Variants in DMD observed in about 807,000 individuals in gnomAD.
The protein encoded by DMD is dystrophin.
In DMD, 63 loss-of-function variants were observed where a neutral mutation model predicts 330.1. The observed-to-expected ratio is 0.19, with a 90% CI of 0.16 to 0.24. The LOEUF (loss-of-function observed/expected upper bound fraction) is 0.24. DMD is among the 10% of genes least tolerant of loss of function. The probability of loss-of-function intolerance (pLI) is 1.00; values close to 1 mark genes in which losing one functional copy is unlikely to be tolerated. For synonymous variants in DMD, 1,223 were observed against 959.8 expected, an observed-to-expected ratio of 1.27 and a Z score of -5.07; for missense variants, 3,344 against 2,684.1, an observed-to-expected ratio of 1.25 and a Z score of -5.43.
chrX:31,964,691 G>A (rs963493902), intron 45 of DMD, among the ~76,000 whole-genome samples: 2 of 108,996 alleles, frequency 1.8e-5, no homozygotes, highest in African/African-American at 6.7e-5. Flanking sequence ...AGCATATATG[G>A]CAAAATGTTA....
intron 47 of DMD, among the ~76,000 whole-genome samples, chrX:31,904,416 C>G (rs770111755): frequency 9.0e-6 from 1 of 111,092 alleles, no homozygotes; most frequent in African/African-American, 3.3e-5. Context: ...TGAGAGTGGT[C>G]AAGACTTTTG....
At chrX:32,016,154 T>G (rs902885654) in intron 44 of DMD, among the ~76,000 whole-genome samples, 8 of 112,060 alleles carry the variant, frequency 7.1e-5, no homozygotes, top group Non-Finnish European at 9.4e-5. Context: ...TCATGAAATC[T>G]TAAAGAAGAG....
At chrX:33,045,059 G>T (rs1284958708) in intron 1 of DMD, among the ~76,000 whole-genome samples, 1 of 110,785 alleles carries the variant, frequency 9.0e-6, no homozygotes, top group African/African-American at 3.3e-5. Context: ...TAAATAAAAG[G>T]GGGGTGGGGA....
chrX:31,288,383 C>T (rs1386464830), intron 62 of DMD, among the ~76,000 whole-genome samples: 2 of 111,770 alleles, frequency 1.8e-5, no homozygotes, highest in Non-Finnish European at 3.8e-5. Context: ...CAATTGGTAT[C>T]TTCAATCTTT....
chrX:32,047,695 C>G (rs1175791309), intron 44 of DMD, among the ~76,000 whole-genome samples: 2 of 110,927 alleles, frequency 1.8e-5, no homozygotes, highest in South Asian at 7.6e-4. Context: ...AAGTAGTTGC[C>G]AAGACTCTAC....
intron 19 of DMD, among the ~76,000 whole-genome samples, chrX:32,494,133 G>A (rs777028884): frequency 3.9e-4 from 44 of 111,522 alleles, no homozygotes; most frequent in Non-Finnish European, 7.7e-4. Context: ...AATAGGCTCT[G>A]CAGTATCCGT....
intron 50 of DMD, among the ~76,000 whole-genome samples, chrX:31,798,069 C>T (rs2091908388): frequency 8.9e-6 from 1 of 112,231 alleles, no homozygotes; most frequent in African/African-American, 3.2e-5. Context: ...ACTGAAAAGA[C>T]ATTTCATGGT....
At chrX:32,769,268 A>C (rs1438827640) in intron 7 of DMD, among the ~76,000 whole-genome samples, 2 of 111,982 alleles carry the variant, frequency 1.8e-5, no homozygotes. Flanking sequence ...TGCGAAAGGC[A>C]TGTCTCACAT....
chrX:33,293,568 T>C (rs894552612), intron 1 of DMD, among the ~76,000 whole-genome samples: 3 of 111,102 alleles, frequency 2.7e-5, no homozygotes, highest in Admixed American at 9.6e-5. Flanking sequence ...TCTTATTATG[T>C]CCTATCAGAA....
At chrX:32,390,811 T>G (rs926779391) in intron 30 of DMD, among the ~76,000 whole-genome samples, 1 of 111,588 alleles carries the variant, frequency 9.0e-6, no homozygotes, top group Non-Finnish European at 1.9e-5. Context: ...TGAGCCACTG[T>G]GCCTGGCCTT....
At chrX:32,162,590 CTTTTT>C (rs3040088) in intron 44 of DMD, among the ~76,000 whole-genome samples, 4 of 43,241 alleles carry the variant, frequency 9.3e-5, no homozygotes, top group African/African-American at 4.3e-4. Context: ...AAGCAACAAG[CTTTTT>C]TTTTTTTTTT....
chrX:32,326,434 G>A lies in DMD; in HGVS notation c.5922+15666C>T, dbSNP rs1411760856. On this transcript the variant is annotated intron_variant, in intron 41 of 78. Coordinates refer to ENST00000357033, the MANE Select transcript of DMD (RefSeq NM_004006.3). ...AGATGTAAATAGCAAATAACATATA[G>A]CATAGCTACATAAATAAGCATATGT... Among the ~76,000 whole-genome samples, 3 of 112,263 alleles carry A rather than the reference G, an allele frequency of 2.7e-5. No individual in the cohort carries two copies. The Admixed American group carries it at 2.8e-4, about 11-fold the overall frequency.
chrX:32,689,585 G>A (rs1002163845), intron 9 of DMD, among the ~76,000 whole-genome samples: 1 of 110,973 alleles, frequency 9.0e-6, no homozygotes, highest in Non-Finnish European at 1.9e-5. Context: ...CATTACCAAA[G>A]CCAGAAAAAG....
At chrX:32,647,855 G>T (rs2146878067) in intron 9 of DMD, among the ~76,000 whole-genome samples, 1 of 111,941 alleles carries the variant, frequency 8.9e-6, no homozygotes, top group Non-Finnish European at 1.9e-5. Context: ...CAGGTTTCAG[G>T]AGATGGAAAA....
chrX:32,431,422 A>AT (rs914432640), intron 29 of DMD, among the ~76,000 whole-genome samples: 2 of 110,750 alleles, frequency 1.8e-5, no homozygotes, highest in Non-Finnish European at 3.8e-5. Context: ...GGGTTATATA[A>AT]TTTTTTTATA....
chrX:32,535,851 T>A (rs1221469899), intron 17 of DMD, among the ~76,000 whole-genome samples: 2 of 112,039 alleles, frequency 1.8e-5, no homozygotes, highest in African/African-American at 6.5e-5. Flanking sequence ...GCTTTATGCA[T>A]TATAGGTGTA....
At chrX:32,364,442 G>A in intron 36 of DMD, 140 bp downstream of exon 36, 1 of 704,269 alleles carries the variant, frequency 1.4e-6, no homozygotes, top group Non-Finnish European at 2.1e-6. Flanking sequence ...AAGGGGGAAG[G>A]AAGGAAAAAG....
At chrX:31,135,326 C>G (rs1314573750) in intron 76 of DMD, among the ~76,000 whole-genome samples, 1 of 111,857 alleles carries the variant, frequency 8.9e-6, no homozygotes, top group African/African-American at 3.2e-5. Flanking sequence ...AAACGAAACT[C>G]AAGTACCTTT....
intron 45 of DMD, among the ~76,000 whole-genome samples, chrX:31,958,022 G>A (rs769412008): frequency 1.3e-4 from 14 of 109,008 alleles, no homozygotes; most frequent in African/African-American, 4.3e-4. Context: ...GTGTCTCAAA[G>A]GACAGGCTTT....
Sources: allele counts gnomAD v4.1 joint callset (sites outside exome capture counted in the v4.1 genomes callset), GRCh38; gene constraint gnomAD v4.1.1; transcripts MANE v1.5; gene names NCBI Gene and HGNC (gene_info 2026-07-23, HGNC 2026-07-21).